NFIA: variants seen among roughly 807,000 people sequenced by gnomAD.
The protein encoded by NFIA is nuclear factor I A, also known as nuclear factor 1 A-type.
A neutral mutation model predicts 62.8 loss-of-function variants in NFIA; 8 were observed. The ratio of observed to expected loss-of-function variants is 0.13; its 90% CI spans 0.07 to 0.23. NFIA has a LOEUF of 0.23. Among genes scored for constraint, NFIA ranks in the 10% least tolerant of loss-of-function variants. The pLI, the probability that NFIA is intolerant of heterozygous loss-of-function variation, is 1.00. For missense variants in NFIA, 410 were observed against 642.1 expected (o/e 0.64, Z 3.91); for synonymous variants, 235 against 238.1 (o/e 0.99, Z 0.12).
chr1:61,401,056 G>A (rs549136317), intron 7 of NFIA, among the ~76,000 whole-genome samples: 3 of 152,202 alleles, frequency 2.0e-5, no homozygotes, highest in East Asian at 1.9e-4. Context: ...TGTCAGTAAC[G>A]TAACTATTTT....
intron 2 of NFIA, among the ~76,000 whole-genome samples, chr1:61,256,047 GGAA>G (rs777662708): frequency 5.9e-5 from 9 of 152,210 alleles, no homozygotes; most frequent in Admixed American, 1.3e-4. Context: ...CGACCACATT[GGAA>G]GAAGAAGAAT....
chr1:61,128,923 T>TTG (rs1202641094), intron 2 of NFIA, among the ~76,000 whole-genome samples: 1 of 127,352 alleles, frequency 7.9e-6, no homozygotes, highest in Non-Finnish European at 1.7e-5. Context: ...ATGTTTTTTT[T>TTG]TTTTTTTTTT....
At chr1:61,286,623 G>A (rs1255548182) in intron 3 of NFIA, among the ~76,000 whole-genome samples, 1 of 152,116 alleles carries the variant, frequency 6.6e-6, no homozygotes, top group Non-Finnish European at 1.5e-5. Flanking sequence ...CATGTTCTAG[G>A]CATCACACTG....
Position 61,406,542 on chromosome 1 carries a change from T to TGGGGGGGGGGCGGGGGG in NFIA, c.1255-19_1255-18insGGGGGGGGGCGGGGGGG. 1 of 1,253,830 alleles carries TGGGGGGGGGGCGGGGGG rather than the reference T, an allele frequency of 8.0e-7. No individual in the cohort carries two copies. Among genetic ancestry groups the TGGGGGGGGGGCGGGGGG allele is most frequent in the Non-Finnish European group, 1.1e-6 (1 of 931,744 alleles). 77.7% of individuals were successfully genotyped at this position (1,253,830 alleles called of 1,614,324 possible). On this transcript the variant is annotated intron_variant, in intron 8 of 10. Coordinates refer to ENST00000403491, the MANE Select transcript of NFIA (RefSeq NM_001134673.4). ...TTCTTTTTCTTGTACGTGTGTTTTCTGCCCCCCCCCCCCCCACAGCCCAAT... is the reference window on the plus strand; with the variant it reads ...TTCTTTTTCTTGTACGTGTGTTTTCTGGGGGGGGGGCGGGGGGGCCCCCCCCCCCCCCACAGCCCAAT...
At chr1:61,192,258 A>G (rs1269989558) in intron 2 of NFIA, among the ~76,000 whole-genome samples, 1 of 152,206 alleles carries the variant, frequency 6.6e-6, no homozygotes, top group Non-Finnish European at 1.5e-5. Flanking sequence ...TGTTGGGATT[A>G]TAGGCATGAG....
chr1:61,393,065 G>A (rs556969640), intron 7 of NFIA, among the ~76,000 whole-genome samples: 4 of 151,912 alleles, frequency 2.6e-5, no homozygotes, highest in South Asian at 2.1e-4. Flanking sequence ...GGTATCGTAC[G>A]CTTGGACTGT....
intron 10 of NFIA, among the ~76,000 whole-genome samples, chr1:61,429,973 GAA>G (rs1368171842): frequency 6.6e-6 from 1 of 152,188 alleles, no homozygotes; most frequent in East Asian, 1.9e-4. Context: ...TTTGCGAGAT[GAA>G]AAGAGTTCTG....
intron 2 of NFIA, among the ~76,000 whole-genome samples, chr1:61,104,856 C>T (rs138509799): frequency 6.6e-6 from 1 of 152,084 alleles, no homozygotes; most frequent in African/African-American, 2.4e-5. Flanking sequence ...GAATAATTGT[C>T]TTCTTTTGTG....
chr1:61,078,636 C>G (rs527940192), upstream of NFIA, among the ~76,000 whole-genome samples: 29 of 152,336 alleles, frequency 1.9e-4, no homozygotes, highest in Middle Eastern at 6.8e-3. Flanking sequence ...GAGAATGTTT[C>G]ACATGTGGAC....
rs535200109 is a variant in NFIA at position 61,228,479 on chromosome 1, G to T, written c.560-49041G>T. Among the ~76,000 whole-genome samples the T allele has an allele frequency of 3.3e-5, 5 of 152,296 alleles. No individual in the cohort carries two copies. In the South Asian group the frequency reaches 1.0e-3, roughly 32 times the overall value. Reference sequence around the variant, plus strand: ...GTATTGAACACTTACCCTGAAGAAAGATGTTCAAAGAAATGGATGGTGTGG... The same window carrying T: ...GTATTGAACACTTACCCTGAAGAAATATGTTCAAAGAAATGGATGGTGTGG... On this transcript the variant is annotated intron_variant, in intron 2 of 10. Coordinates refer to ENST00000403491, the MANE Select transcript of NFIA (RefSeq NM_001134673.4).
At chr1:61,307,332 G>A (rs1179917723) in intron 3 of NFIA, among the ~76,000 whole-genome samples, 2 of 152,218 alleles carry the variant, frequency 1.3e-5, no homozygotes, top group African/African-American at 2.4e-5. Context: ...ACGTGAGGAT[G>A]TGGACGGTGT....
intron 2 of NFIA, among the ~76,000 whole-genome samples, chr1:61,192,564 G>C (rs770652986): frequency 5.9e-5 from 9 of 152,030 alleles, no homozygotes; most frequent in Non-Finnish European, 1.3e-4. Flanking sequence ...TTAGCTGAGC[G>C]TGGTGGTGGG....
At position 61,172,584 on chromosome 1, in the gene NFIA, C is replaced by A. The variant is rs147988805; in HGVS notation, c.559+83904C>A. Among the ~76,000 whole-genome samples the A allele has an allele frequency of 9.1e-3, 1,388 of 152,294 alleles. 17 individuals are homozygous for A. The highest frequency in any genetic ancestry group is 0.061 in the Middle Eastern group (18 of 294). On this transcript the variant is annotated intron_variant, in intron 2 of 10. Coordinates refer to ENST00000403491, the MANE Select transcript of NFIA (RefSeq NM_001134673.4). ...ATTCTTGTTGTAAAACAAGCAGACA[C>A]CTCCTTTGTTTTTCCATCTTGCCCC...
intron 9 of NFIA, among the ~76,000 whole-genome samples, chr1:61,419,029 TA>T (rs1666483999): frequency 6.6e-6 from 1 of 152,172 alleles, no homozygotes; most frequent in Non-Finnish European, 1.5e-5. Flanking sequence ...CACATAAAAA[TA>T]AATGACAGTC....
chr1:61,259,986 A>G (rs556801212), intron 2 of NFIA, among the ~76,000 whole-genome samples: 2 of 152,352 alleles, frequency 1.3e-5, no homozygotes, highest in South Asian at 4.1e-4. Flanking sequence ...TGAGATTGCA[A>G]TAGCTCATCT....
chr1:61,157,024 C>T (rs529608517), intron 2 of NFIA, among the ~76,000 whole-genome samples: 1 of 152,294 alleles, frequency 6.6e-6, no homozygotes, highest in South Asian at 2.1e-4. Context: ...TCAGTACTGG[C>T]CACACCAGTG....
intron 2 of NFIA, among the ~76,000 whole-genome samples, chr1:61,208,040 A>G (rs1474219635): frequency 1.2e-4 from 17 of 145,190 alleles, no homozygotes. Context: ...CACTGTCTGC[A>G]ATGCGTGAAG....
intron 2 of NFIA, among the ~76,000 whole-genome samples, chr1:61,257,259 A>G (rs1173586979): frequency 1.3e-5 from 2 of 151,504 alleles, no homozygotes; most frequent in African/African-American, 4.9e-5. Flanking sequence ...GTAGCAGGAT[A>G]AGCATGTTTG....
At chr1:61,351,041 G>C (rs1326031889) in intron 4 of NFIA, among the ~76,000 whole-genome samples, 1 of 152,176 alleles carries the variant, frequency 6.6e-6, no homozygotes, top group African/African-American at 2.4e-5. Flanking sequence ...ACTTCAAGTA[G>C]CCATACACTT....
Sources: gnomAD v4.1 joint callset for allele counts (sites outside exome capture counted in the v4.1 genomes callset) on GRCh38, gnomAD v4.1.1 for gene constraint, MANE v1.5 for transcripts, NCBI Gene and HGNC (gene_info 2026-07-23, HGNC 2026-07-21) for gene names.